GRIK1: variants seen among roughly 807,000 people sequenced by gnomAD.
The protein encoded by GRIK1 is glutamate ionotropic receptor kainate type subunit 1, also known as glutamate receptor ionotropic, kainate 1.
A neutral mutation model predicts 105.7 loss-of-function variants in GRIK1; 69 were observed. The observed-to-expected ratio is 0.65, with a 90% confidence interval of 0.54 to 0.80. GRIK1 has a LOEUF of 0.80. GRIK1 is among the 30% of genes least tolerant of loss of function. The probability of loss-of-function intolerance (pLI) is 0.00; values close to 1 mark genes in which losing one functional copy is unlikely to be tolerated. For synonymous variants in GRIK1, 438 were observed against 431.3 expected (o/e 1.02, Z -0.19); for missense variants, 1,109 against 1,167.3 (o/e 0.95, Z 0.73).
In GRIK1 at chr21:29,691,316, GCAAA is replaced by G. The variant is rs558882818; in HGVS notation, c.287-1335_287-1332del. Among the ~76,000 whole-genome samples the G allele has an allele frequency of 3.9e-5, 6 of 152,156 alleles. No homozygotes were observed. The East Asian group carries it at 9.7e-4, about 24-fold the overall frequency. ...ACAGAGCGAGACTCTGTTTCAAAAA[GCAAA>G]CAAACAAACATCCCCCAAAACATTT... On this transcript the variant is annotated intron_variant, in intron 2 of 17. Transcript: ENST00000327783.
intron 7 of GRIK1, among the ~76,000 whole-genome samples, chr21:29,626,067 T>C (rs79436127): frequency 0.064 from 9,709 of 152,236 alleles, 435 homozygotes; most frequent in African/African-American, 0.12. Context: ...TCCATTTGTA[T>C]TGCTGTAACA....
At chr21:29,936,234 T>C (rs914937245) in intron 1 of GRIK1, among the ~76,000 whole-genome samples, 4 of 152,208 alleles carry the variant, frequency 2.6e-5, no homozygotes, top group African/African-American at 9.6e-5. Flanking sequence ...ACCTCTATAA[T>C]TGTATGTGTT....
intron 4 of GRIK1, among the ~76,000 whole-genome samples, chr21:29,658,531 G>A (rs1328649146): frequency 6.6e-6 from 1 of 152,150 alleles, no homozygotes; most frequent in Non-Finnish European, 1.5e-5. Context: ...CTAAGTGCTG[G>A]GATCACAGGC....
At position 29,733,528 on chromosome 21, in the gene GRIK1, A is replaced by C. The variant is rs769328590; in HGVS notation, c.119-39465T>G. 1.9e-3 allele frequency among the ~76,000 whole-genome samples: 285 copies of C among 152,192 alleles called. 1 individual carries two copies. Among genetic ancestry groups the C allele is most frequent in the Non-Finnish European group, 1.1e-3 (75 of 67,976 alleles). On this transcript the variant is annotated intron_variant, in intron 1 of 17. Coordinates refer to ENST00000327783, the MANE Select transcript of GRIK1 (RefSeq NM_001330994.2). ...ATTTTTTTTTCAAAAAAATTGTTGT[A>C]ATTAAATTTGTGGGCTACTTTAAAA...
chr21:29,582,117 A>G lies in GRIK1; in HGVS notation c.1794-574T>C, dbSNP rs574727812. Among the ~76,000 whole-genome samples the G allele has an allele frequency of 1.7e-3, 266 of 152,316 alleles. 1 individual carries two copies. Among genetic ancestry groups the G allele is most frequent in the African/African-American group, 6.0e-3 (251 of 41,570 alleles). ...ATTAGTGAACAAAATGTAGAGCTGA[A>G]TTTGGAGTGTATTAGATGTTTTTCG... is the stretch of plus-strand genomic sequence containing the variant. On this transcript the variant is annotated intron_variant, in intron 12 of 17. Transcript: ENST00000327783.
rs1312941126 is a variant in GRIK1, at chr21:29,673,113, T to G, written c.596A>C (p.Lys199Thr). 6.2e-7 allele frequency: 1 copy of G among 1,612,886 alleles called. No homozygotes were observed. The highest frequency in any genetic ancestry group is 1.1e-5 in the South Asian group (1 of 91,042). Residue 199 changes from lysine (K) to threonine (T), a missense_variant, in exon 4 of 18, where the codon AAA becomes ACA. By Grantham distance (78) the Lys-to-Thr change is moderately conservative. Around this residue, in one of 5 missense-constraint regions of GRIK1, gnomAD observed 612 missense variants for 586.0 expected, o/e 1.04. Coordinates refer to ENST00000327783, the MANE Select transcript of GRIK1 (RefSeq NM_001330994.2). ...LIKAPSRYNI[K>T]IKIRQLPSGN... is the part of the protein sequence containing the mutation. ...AGAGGGCAGCTGGCGGATTTTGATT[T>G]TAATATTATATCTGGAGGGAGCTTT...
chr21:29,869,346 T>G (rs2068932538), intron 1 of GRIK1, among the ~76,000 whole-genome samples: 1 of 152,236 alleles, frequency 6.6e-6, no homozygotes, highest in African/African-American at 2.4e-5. Flanking sequence ...TAGTGAGAAA[T>G]GCCATCCAAT....
chr21:29,672,526 A>G (rs946324410), intron 4 of GRIK1, among the ~76,000 whole-genome samples: 5 of 152,174 alleles, frequency 3.3e-5, no homozygotes, highest in African/African-American at 1.2e-4. Flanking sequence ...CTTTTCTGTA[A>G]CTGTCCCTGT....
In GRIK1 at chr21:29,733,069, AC is replaced by A. The variant is rs1306117035; in HGVS notation, c.119-39007del. 2.6e-5 allele frequency among the ~76,000 whole-genome samples: 4 copies of A among 151,370 alleles called. No individual in the cohort carries two copies. The East Asian group carries it at 5.9e-4, about 22-fold the overall frequency. On this transcript the variant is annotated intron_variant, in intron 1 of 17. Coordinates refer to ENST00000327783, the MANE Select transcript of GRIK1 (RefSeq NM_001330994.2). Reference sequence around the variant, plus strand: ...TACTTCTACAGGCGGTTACATTTTGACTGAGGGAGATGCTTTTGCAGTGCTG... The same window carrying A: ...TACTTCTACAGGCGGTTACATTTTGATGAGGGAGATGCTTTTGCAGTGCTG...
At chr21:29,729,258 G>C (rs1013475848) in intron 1 of GRIK1, among the ~76,000 whole-genome samples, 3 of 152,130 alleles carry the variant, frequency 2.0e-5, no homozygotes, top group East Asian at 3.9e-4. Flanking sequence ...AATGGTTGAG[G>C]CTGGGCATTT....
chr21:29,912,227 G>C (rs1446047208), intron 1 of GRIK1, among the ~76,000 whole-genome samples: 1 of 152,058 alleles, frequency 6.6e-6, no homozygotes, highest in African/African-American at 2.4e-5. Context: ...CAGCCTAAGG[G>C]CTAAGGTCAG....
chr21:29,656,978 T>A (rs1203375649), intron 4 of GRIK1, among the ~76,000 whole-genome samples: 2 of 152,208 alleles, frequency 1.3e-5, no homozygotes, highest in African/African-American at 4.8e-5. Flanking sequence ...AGGATGTTTT[T>A]TTTCAAGGGT....
At chr21:29,749,006 G>A (rs2065114495) in intron 1 of GRIK1, 1 of 152,184 alleles carries the variant, frequency 6.6e-6, no homozygotes, top group Non-Finnish European at 1.5e-5. Flanking sequence ...GCAACAGCGT[G>A]TCCCTGGAAG....
rs1348593275 is a variant in GRIK1, at chr21:29,858,018, G to A, written c.118+81365C>T. ...AGGCTCAAGCAATTCTCTTGCCTCA[G>A]CCCCGCCGAGTAGCTGGGATTACAG... On this transcript the variant is annotated intron_variant, in intron 1 of 17. Coordinates refer to ENST00000327783, the MANE Select transcript of GRIK1 (RefSeq NM_001330994.2). 2.0e-5 allele frequency among the ~76,000 whole-genome samples: 3 copies of A among 152,236 alleles called. No homozygotes were observed. The East Asian group carries it at 5.8e-4, about 29-fold the overall frequency.
intron 1 of GRIK1, among the ~76,000 whole-genome samples, chr21:29,881,103 A>G (rs2069390417): frequency 6.6e-6 from 1 of 152,186 alleles, no homozygotes; most frequent in South Asian, 2.1e-4. Context: ...ATCCTGGCAC[A>G]CTGTAAATAA....
intron 1 of GRIK1, among the ~76,000 whole-genome samples, chr21:29,892,980 C>T (rs2069959831): frequency 6.6e-6 from 1 of 152,182 alleles, no homozygotes; most frequent in South Asian, 2.1e-4. Context: ...TCGAGACCAG[C>T]ATGAGCTAAC....
chr21:29,848,376 T>C (rs1416747367), intron 1 of GRIK1, among the ~76,000 whole-genome samples: 1 of 152,126 alleles, frequency 6.6e-6, no homozygotes, highest in African/African-American at 2.4e-5. Context: ...AGTTCTCCAT[T>C]ATGTTTTCCA....
chr21:29,878,140 A>G (rs777586796), intron 1 of GRIK1, among the ~76,000 whole-genome samples: 2 of 152,088 alleles, frequency 1.3e-5, no homozygotes, highest in African/African-American at 2.4e-5. Context: ...AGAAAGTACA[A>G]TTTAGAGAAT....
At chr21:29,558,501 T>G (rs2090313536) in intron 15 of GRIK1, among the ~76,000 whole-genome samples, 1 of 151,764 alleles carries the variant, frequency 6.6e-6, no homozygotes, top group African/African-American at 2.4e-5. Flanking sequence ...GGATGTATTC[T>G]CCATGAGGTC....
Sources: allele counts gnomAD v4.1 joint callset (sites outside exome capture counted in the v4.1 genomes callset), GRCh38; gene constraint gnomAD v4.1.1; regional missense constraint gnomAD v4.1.1; transcripts MANE v1.5; gene names NCBI Gene and HGNC (gene_info 2026-07-23, HGNC 2026-07-21).